The following ABCD3 variants were observed in gnomAD, a reference collection of about 807,000 sequenced individuals.
ABCD3 encodes ATP-binding cassette sub-family D member 3.
Under a neutral mutation model 105.5 loss-of-function variants are expected in ABCD3, and 41 were observed. That is an observed-to-expected ratio of 0.39 (90% CI 0.30 to 0.50). ABCD3 has a LOEUF of 0.50. ABCD3 is among the 20% of genes least tolerant of loss of function. The probability of loss-of-function intolerance (pLI) is 0.84; values close to 1 mark genes in which losing one functional copy is unlikely to be tolerated. For missense variants in ABCD3, 622 were observed against 806.3 expected, an observed-to-expected ratio of 0.77 and a Z score of 2.77; for synonymous variants, 258 against 269.0, an observed-to-expected ratio of 0.96 and a Z score of 0.40.
At chr1:94,515,713 G>A (rs1650884563) in intron 22 of ABCD3, among the ~76,000 whole-genome samples, 1 of 151,862 alleles carries the variant, frequency 6.6e-6, no homozygotes, top group African/African-American at 2.4e-5. Context: ...TACTTATTCT[G>A]GTGCTTCAGT....
In ABCD3 at chr1:94,459,021, C is replaced by T. The variant is rs1007141974; in HGVS notation, c.147+378C>T. Among the ~76,000 whole-genome samples, 12 of 143,658 alleles carry T rather than the reference C, an allele frequency of 8.4e-5. No homozygotes were observed. The Admixed American group carries it at 8.4e-4, about 10-fold the overall frequency. The allele number at this position is 143,658 out of a possible 152,430, so 94.2% of individuals were successfully genotyped here. A position where few individuals can be genotyped will look rare whatever the true frequency, so the allele number is the denominator to read the frequency against. On this transcript the variant is annotated intron_variant, in intron 2 of 22. Transcript: ENST00000370214. ...CTTCCTGTCCCCTCCCCTCCCCTTCCCTCTTTTTTCTTTTCTTCTCTTTTC... is the reference window on the plus strand; with the variant it reads ...CTTCCTGTCCCCTCCCCTCCCCTTCTCTCTTTTTTCTTTTCTTCTCTTTTC...
chr1:94,501,342 T>A (rs1650092327), intron 20 of ABCD3, among the ~76,000 whole-genome samples: 2 of 151,330 alleles, frequency 1.3e-5, no homozygotes, highest in South Asian at 4.2e-4. Flanking sequence ...GTGACACCAC[T>A]GCATATATAA....
chr1:94,480,673 G>C (rs912283681), intron 9 of ABCD3, 67 bp downstream of exon 9: 1 of 1,564,356 alleles, frequency 6.4e-7, no homozygotes, highest in African/African-American at 1.4e-5. Context: ...CATTTAAATT[G>C]ACTCCAAAAA....
rs192257969 is a variant in ABCD3 at position 94,430,534 on chromosome 1, A to G, written c.110+11946A>G. The stretch of plus-strand genomic sequence containing the variant: ...GTGAATAAGTCTCATGCGATCTGAT[A>G]CTTTTATAAAGAGAAGTTCCCCTGC... On this transcript the variant is annotated intron_variant, in intron 1 of 22. Transcript: ENST00000370214. Among the ~76,000 whole-genome samples the G allele has an allele frequency of 6.0e-3, 908 of 152,168 alleles. 4 individuals are homozygous for G. The highest frequency in any genetic ancestry group is 9.6e-3 in the South Asian group (46 of 4,816).
rs561060182 is a variant in ABCD3, at chr1:94,477,227, CAAAAAAAAAAA to C, written c.628-1014_628-1004del. Among the ~76,000 whole-genome samples, 71 of 44,318 alleles carry C rather than the reference CAAAAAAAAAAA, an allele frequency of 1.6e-3. 3 individuals are homozygous for C. The highest frequency in any genetic ancestry group is 6.0e-3 in the East Asian group (7 of 1,176). 29.1% of individuals were successfully genotyped at this position (44,318 alleles called of 152,430 possible). The stretch of plus-strand genomic sequence containing the variant: ...TCTAGCTTCTTGATAACTTATAAGG[CAAAAAAAAAAA>C]AAAAAAAAAAAAAAAAAGGAAAGGG... On this transcript the variant is annotated intron_variant, in intron 7 of 22. Coordinates refer to ENST00000370214, the MANE Select transcript of ABCD3 (RefSeq NM_002858.4).
intron 16 of ABCD3, 36 bp downstream of exon 16, chr1:94,491,283 A>T (rs747856214): frequency 6.8e-7 from 1 of 1,465,556 alleles, no homozygotes; most frequent in Admixed American, 1.7e-5. Context: ...AGCTTAAATC[A>T]TCTTTAAAAT....
rs185508693 is a variant in ABCD3 at position 94,487,795 on chromosome 1, A to G, written c.1065+4A>G. 3.1e-6 allele frequency: 5 copies of G among 1,613,418 alleles called. No homozygotes were observed. In the African/African-American group the frequency reaches 6.7e-5, roughly 22 times the overall value. On this transcript the variant is annotated splice_donor_region_variant and intron_variant, in intron 12 of 22. Transcript: ENST00000370214. Reference sequence around the variant, plus strand: ...TACACATTCGGAACTTCTAGAGGTAAACTGATGATAATACAATGAAAATGT... The same window carrying G: ...TACACATTCGGAACTTCTAGAGGTAGACTGATGATAATACAATGAAAATGT...
chr1:94,424,015 C>A (rs1659370815), intron 1 of ABCD3, among the ~76,000 whole-genome samples: 1 of 152,080 alleles, frequency 6.6e-6, no homozygotes, highest in Non-Finnish European at 1.5e-5. Context: ...CTTACAGTTA[C>A]CCATGAGTAG....
chr1:94,407,206 A>G, the ABCD3 span, among the ~76,000 whole-genome samples: 2 of 152,112 alleles, frequency 1.3e-5, no homozygotes, highest in African/African-American at 2.4e-5. Flanking sequence ...GCTAGAGTGC[A>G]ATGGCCCGAT....
intron 1 of ABCD3, among the ~76,000 whole-genome samples, chr1:94,425,831 G>T (rs1406868447): frequency 6.6e-6 from 1 of 152,144 alleles, no homozygotes; most frequent in East Asian, 1.9e-4. Context: ...TCTTTATTAT[G>T]GAGGTAGTTT....
chr1:94,460,990 A>T (rs914833122), intron 2 of ABCD3, among the ~76,000 whole-genome samples: 1 of 152,040 alleles, frequency 6.6e-6, no homozygotes, highest in African/African-American at 2.4e-5. Context: ...TTTCTGTACA[A>T]TATTTTAGCA....
the ABCD3 span, among the ~76,000 whole-genome samples, chr1:94,389,193 C>A: frequency 3.3e-4 from 51 of 152,308 alleles, no homozygotes; most frequent in African/African-American, 1.2e-3. Context: ...CAAAGCCTGT[C>A]CAAAACTGGT....
At chr1:94,431,704 G>A (rs1165389597) in intron 1 of ABCD3, among the ~76,000 whole-genome samples, 1 of 152,098 alleles carries the variant, frequency 6.6e-6, no homozygotes. Context: ...GGGACTATAG[G>A]TGTGCACCAC....
At chr1:94,420,443 A>T (rs572681703) in intron 1 of ABCD3, among the ~76,000 whole-genome samples, 21 of 151,938 alleles carry the variant, frequency 1.4e-4, no homozygotes, top group Middle Eastern at 3.4e-3. Context: ...GCCTAAAAAA[A>T]TTTTTTTTTG....
chr1:94,385,803 A>G, the ABCD3 span, among the ~76,000 whole-genome samples: 5 of 152,210 alleles, frequency 3.3e-5, no homozygotes, highest in Non-Finnish European at 7.3e-5. Flanking sequence ...AAAGACATCA[A>G]TTCTCATAAA....
intron 9 of ABCD3, 152 bp downstream of exon 9, chr1:94,480,758 A>G: frequency 1.2e-6 from 1 of 860,390 alleles, no homozygotes; most frequent in Non-Finnish European, 1.8e-6. Context: ...CTAGTTTTAT[A>G]AAGTAGTAAT....
intron 2 of ABCD3, among the ~76,000 whole-genome samples, chr1:94,462,465 C>T (rs1299904700): frequency 6.6e-6 from 1 of 152,048 alleles, no homozygotes; most frequent in Non-Finnish European, 1.5e-5. Flanking sequence ...TGATCCTTTG[C>T]AGAAAACAAT....
At chr1:94,474,818 C>G (rs1648654145) in intron 5 of ABCD3, among the ~76,000 whole-genome samples, 1 of 150,490 alleles carries the variant, frequency 6.6e-6, no homozygotes, top group South Asian at 2.1e-4. Flanking sequence ...ATATAAATGT[C>G]TGAACTCCTA....
chr1:94,455,871 A>G, intron 1 of ABCD3: 1 of 1,224,326 alleles, frequency 8.2e-7, no homozygotes, highest in South Asian at 1.4e-5. Context: ...ATCTCCATTT[A>G]TCTCTAAGTA....
Sources: allele counts gnomAD v4.1 joint callset (sites outside exome capture counted in the v4.1 genomes callset), GRCh38; gene constraint gnomAD v4.1.1; transcripts MANE v1.5; gene names NCBI Gene and HGNC (gene_info 2026-07-23, HGNC 2026-07-21).